The following RBM47 variants were observed in gnomAD, a reference collection of about 807,000 sequenced individuals.
The protein encoded by RBM47 is RNA binding motif protein 47, also known as RNA-binding protein 47.
A neutral mutation model predicts 47.1 loss-of-function variants in RBM47; 21 were observed. That is an observed-to-expected ratio of 0.45 (90% CI 0.32 to 0.64). The LOEUF is 0.64. RBM47 is among the 30% of genes least tolerant of loss of function. The pLI is 0.05. For missense variants in RBM47, 708 were observed against 870.9 expected (o/e 0.81, Z 2.35); for synonymous variants, 375 against 361.7 (o/e 1.04, Z -0.42).
intron 2 of RBM47, among the ~76,000 whole-genome samples, chr4:40,529,379 G>A (rs911125450): frequency 2.0e-5 from 3 of 151,856 alleles, no homozygotes; most frequent in African/African-American, 4.8e-5. Context: ...AGCTGGGCAT[G>A]GTAGCACATG....
At chr4:40,620,195 GA>G (rs200356171) in intron 1 of RBM47, among the ~76,000 whole-genome samples, 2,844 of 79,436 alleles carry the variant, frequency 0.036, 27 homozygotes, top group East Asian at 0.12. Flanking sequence ...GACTCAGTAT[GA>G]AAAAAAAAAA....
At chr4:40,561,029 T>G (rs1345953529) in intron 1 of RBM47, among the ~76,000 whole-genome samples, 7 of 151,846 alleles carry the variant, frequency 4.6e-5, no homozygotes, top group Non-Finnish European at 1.0e-4. Flanking sequence ...TTCTTAGCAC[T>G]GCCTACGTGT....
intron 1 of RBM47, among the ~76,000 whole-genome samples, chr4:40,568,473 T>C (rs544589595): frequency 5.0e-4 from 74 of 147,394 alleles, no homozygotes; most frequent in African/African-American, 1.7e-3. Flanking sequence ...CTCTATCATA[T>C]TCTTGGATAG....
intron 2 of RBM47, among the ~76,000 whole-genome samples, chr4:40,469,751 T>A (rs1325389989): frequency 1.3e-5 from 2 of 152,062 alleles, no homozygotes; most frequent in Non-Finnish European, 2.9e-5. Context: ...GAAAGGCACA[T>A]CTGTGATCCT....
chr4:40,473,168 G>C (rs924183250), intron 2 of RBM47, among the ~76,000 whole-genome samples: 4 of 152,132 alleles, frequency 2.6e-5, no homozygotes, highest in Non-Finnish European at 4.4e-5. Flanking sequence ...CATGCACCAG[G>C]TATGGCACTA....
At chr4:40,474,497 A>G (rs1259167866) in intron 2 of RBM47, among the ~76,000 whole-genome samples, 3 of 152,246 alleles carry the variant, frequency 2.0e-5, no homozygotes, top group African/African-American at 7.2e-5. Context: ...TTTTAAATGA[A>G]TATGTCAAAA....
intron 2 of RBM47, among the ~76,000 whole-genome samples, chr4:40,487,999 A>G (rs1205750454): frequency 1.3e-5 from 2 of 151,960 alleles, no homozygotes; most frequent in South Asian, 2.1e-4. Context: ...AAAGGGATTA[A>G]TAAGAGTTAG....
chr4:40,607,708 A>G (rs1735891383), intron 1 of RBM47, among the ~76,000 whole-genome samples: 1 of 152,148 alleles, frequency 6.6e-6, no homozygotes, highest in African/African-American at 2.4e-5. Flanking sequence ...CCATGTCTCA[A>G]AGTAAAATAA....
At chr4:40,623,798 A>G (rs968503130) in intron 1 of RBM47, among the ~76,000 whole-genome samples, 2 of 152,058 alleles carry the variant, frequency 1.3e-5, no homozygotes, top group African/African-American at 4.8e-5. Context: ...GGCAACTCTC[A>G]GCCTTTTAAA....
At chr4:40,501,105 C>G (rs2154250140) in intron 2 of RBM47, among the ~76,000 whole-genome samples, 1 of 151,682 alleles carries the variant, frequency 6.6e-6, no homozygotes. Context: ...AGTTTTAACT[C>G]AGAGTCCAAA....
intron 1 of RBM47, among the ~76,000 whole-genome samples, chr4:40,586,117 T>C (rs1733555035): frequency 6.6e-6 from 1 of 152,194 alleles, no homozygotes; most frequent in Non-Finnish European, 1.5e-5. Flanking sequence ...AGAATTAACA[T>C]GTTAGGGAGA....
intron 3 of RBM47, among the ~76,000 whole-genome samples, chr4:40,441,609 C>G (rs1713664125): frequency 6.6e-6 from 1 of 152,162 alleles, no homozygotes. Flanking sequence ...GTACTGTATA[C>G]AACATTAACT....
At chr4:40,594,887 T>C (rs1734612916) in intron 1 of RBM47, among the ~76,000 whole-genome samples, 2 of 152,288 alleles carry the variant, frequency 1.3e-5, no homozygotes, top group South Asian at 4.1e-4. Flanking sequence ...TTTCATGGGC[T>C]CCTTTAAGAG....
intron 1 of RBM47, among the ~76,000 whole-genome samples, chr4:40,588,096 G>A (rs1161219979): frequency 6.6e-6 from 1 of 152,222 alleles, no homozygotes; most frequent in East Asian, 1.9e-4. Context: ...GCCACGAGGT[G>A]TACTGGGGTG....
chr4:40,468,345 TTAAAAAA>T (rs1429917661), intron 2 of RBM47, among the ~76,000 whole-genome samples: 1 of 152,174 alleles, frequency 6.6e-6, no homozygotes, highest in Non-Finnish European at 1.5e-5. Context: ...GTTCTCAACA[TTAAAAAA>T]AAATTGTGTT....
chr4:40,509,460 C>A (rs1724569881), intron 2 of RBM47, among the ~76,000 whole-genome samples: 1 of 152,014 alleles, frequency 6.6e-6, no homozygotes, highest in Non-Finnish European at 1.5e-5. Context: ...ATGTTGGTGA[C>A]CTGTATTGGC....
chr4:40,616,102 CA>C (rs1736689747), intron 1 of RBM47, among the ~76,000 whole-genome samples: 1 of 152,114 alleles, frequency 6.6e-6, no homozygotes, highest in Non-Finnish European at 1.5e-5. Flanking sequence ...CTTGTAATCC[CA>C]GCACTTTGGG....
chr4:40,595,902 C>T (rs1268098612), intron 1 of RBM47, among the ~76,000 whole-genome samples: 2 of 151,334 alleles, frequency 1.3e-5, no homozygotes, highest in Non-Finnish European at 1.5e-5. Flanking sequence ...GAAACTTCGT[C>T]CCCCCTGCCA....
Position 40,519,031 on chromosome 4 carries a change from T to C in RBM47, c.-155+25391A>G, listed in dbSNP as rs149374675. On this transcript the variant is annotated intron_variant, in intron 2 of 6. Coordinates refer to ENST00000295971, the MANE Select transcript of RBM47 (RefSeq NM_001098634.2). ...CAACATAGTGAGACCCTTGTTTCTA[T>C]AAAAAAAAAAATATAAAAAATGATC... Among the ~76,000 whole-genome samples the C allele has an allele frequency of 9.9e-3, 1,407 of 142,722 alleles. 21 individuals carry two copies. The highest frequency in any genetic ancestry group is 0.035 in the African/African-American group (1,325 of 37,892). 93.6% of individuals were successfully genotyped at this position (142,722 alleles called of 152,430 possible).
Sources: allele counts gnomAD v4.1 joint callset (sites outside exome capture counted in the v4.1 genomes callset), GRCh38; gene constraint gnomAD v4.1.1; transcripts MANE v1.5; gene names NCBI Gene and HGNC (gene_info 2026-07-23, HGNC 2026-07-21).